Variants in SCN3A observed in about 807,000 individuals in gnomAD.
SCN3A encodes sodium voltage-gated channel alpha subunit 3, also known as sodium channel protein type 3 subunit alpha.
Under a neutral mutation model 187.6 loss-of-function variants are expected in SCN3A, and 60 were observed. The observed-to-expected ratio is 0.32, with a 90% confidence interval of 0.26 to 0.40. The LOEUF is 0.40. SCN3A is among the 10% of genes least tolerant of loss of function. SCN3A has a pLI of 1.00. For synonymous variants in SCN3A, 788 were observed against 829.2 expected, an observed-to-expected ratio of 0.95 and a Z score of 0.85; for missense variants, 1,601 against 2,428.2, an observed-to-expected ratio of 0.66 and a Z score of 7.16.
In SCN3A at chr2:165,113,884, T is replaced by A. The variant is rs1276192974; in HGVS notation, c.3601A>T (p.Ser1201Cys). The A allele has an allele frequency of 2.5e-6, 4 of 1,613,904 alleles. No homozygotes were observed. The highest frequency in any genetic ancestry group is 3.4e-6 in the Non-Finnish European group (4 of 1,179,826). ...TCAAACCAGTTGTGCTCAACAATACTGTAGCAGGTTTTTCGAAGATTCCAC... is the reference window on the plus strand; with the variant it reads ...TCAAACCAGTTGTGCTCAACAATACAGTAGCAGGTTTTTCGAAGATTCCAC... ...IWWNLRKTCY[S>C]IVEHNWFETF... is the part of the protein sequence containing the mutation. Residue 1201 changes from serine to cysteine, a missense_variant, in exon 20 of 28, where the codon AGT becomes TGT. By Grantham distance (112) the Ser-to-Cys change is moderately radical (BLOSUM62 -1). Coordinates refer to ENST00000283254, the MANE Select transcript of SCN3A (RefSeq NM_006922.4).
chr2:165,143,529 C>T lies in SCN3A; in HGVS notation c.1672-2531G>A, dbSNP rs192173190. On this transcript the variant is annotated intron_variant, in intron 12 of 27. Transcript: ENST00000283254. Reference sequence around the variant, plus strand: ...AGCGCAGCTTTCAAGGCAACAGAGACGGAAAAAGAAGATAACAGAAATAGC... The same window carrying T: ...AGCGCAGCTTTCAAGGCAACAGAGATGGAAAAAGAAGATAACAGAAATAGC... Among the ~76,000 whole-genome samples the T allele has an allele frequency of 2.2e-4, 33 of 152,070 alleles. No homozygotes were observed. The East Asian group carries it at 2.9e-3, about 13-fold the overall frequency.
intron 11 of SCN3A, 151 bp downstream of exon 11, chr2:165,154,301 A>G (rs1338924779): frequency 2.3e-6 from 2 of 869,880 alleles, no homozygotes; most frequent in African/African-American, 3.4e-5. Flanking sequence ...AACTTCAGAA[A>G]CAAGTTCATA....
chr2:165,091,893 G>T (rs916638445), intron 27 of SCN3A: 1 of 340,402 alleles, frequency 2.9e-6, no homozygotes, highest in Non-Finnish European at 5.6e-6. Context: ...AGCAGAGATG[G>T]CTACTTCCTC....
intron 18 of SCN3A, among the ~76,000 whole-genome samples, chr2:165,118,540 A>C (rs550874835): frequency 2.4e-4 from 36 of 152,164 alleles, no homozygotes; most frequent in Admixed American, 9.8e-4. Context: ...GGTTGACATA[A>C]AGTCAGTTTT....
chr2:165,163,769 G>C, intron 6 of SCN3A, 60 bp from the exon 7 acceptor site: 2 of 1,613,258 alleles, frequency 1.2e-6, no homozygotes, highest in Non-Finnish European at 1.7e-6. Flanking sequence ...GGAGATATAA[G>C]GGGCCTACTA....
chr2:165,113,238 C>T (rs1199157331), intron 20 of SCN3A, among the ~76,000 whole-genome samples, 180 bp from the exon 21 acceptor site: 1 of 151,992 alleles, frequency 6.6e-6, no homozygotes, highest in Non-Finnish European at 1.5e-5. Context: ...GGCAGGGAAA[C>T]GTCATGCCTT....
intron 3 of SCN3A, among the ~76,000 whole-genome samples, chr2:165,172,826 A>G (rs1482694874): frequency 6.6e-6 from 1 of 152,160 alleles, no homozygotes. Flanking sequence ...AGCAGGCCTT[A>G]AGACTACAAT....
At position 165,115,486 on chromosome 2, in the gene SCN3A, T is replaced by C. The variant is rs778166894; in HGVS notation, c.3483A>G (p.Glu1161=). Reference sequence around the variant, plus strand: ...TAAAACAAGCTTCCGGTTTAAGGTCTTCTTCGGGTTCAGTTTCAGCTTGTT... The same window carrying C: ...TAAAACAAGCTTCCGGTTTAAGGTCCTCTTCGGGTTCAGTTTCAGCTTGTT... ...EGEQAETEPE[E]DLKPEACFTE... is the part of the protein sequence containing the mutation. The change falls in exon 19 of 28, where the codon GAA becomes GAG. Residue 1161 remains glutamate, a synonymous_variant. Transcript: ENST00000283254. 3 of 1,614,014 alleles carry C rather than the reference T, an allele frequency of 1.9e-6. No individual in the cohort carries two copies. In the Admixed American group the frequency reaches 5.0e-5, roughly 27 times the overall value.
chr2:165,091,461 A>G (rs1685103128), intron 27 of SCN3A, 116 bp from the exon 28 acceptor site: 2 of 1,251,404 alleles, frequency 1.6e-6, no homozygotes, highest in Non-Finnish European at 1.1e-6. Flanking sequence ...GCCTTTATTA[A>G]ATATTTGGAT....
rs539692171 is a variant in SCN3A, at chr2:165,090,651, A to G, written c.5502T>C (p.Leu1834=). The G allele has an allele frequency of 3.0e-5, 48 of 1,614,060 alleles. No homozygotes were observed. In the East Asian group the frequency reaches 3.3e-4, roughly 11 times the overall value. The part of the protein sequence containing the change: ...LLIAKPNKVQ[L]IAMDLPMVSG... ...TGACCATGGGCAGATCCATGGCAAT[A>G]AGCTGGACTTTGTTGGGTTTTGCTA... is the stretch of plus-strand genomic sequence containing the variant. Residue 1834 remains leucine (L), a synonymous_variant, in exon 28 of 28, where the codon CTT becomes CTC. Transcript: ENST00000283254. The surrounding 1 kb of genome is among the most constrained non-coding windows in gnomAD (Gnocchi z 4.0).
At chr2:165,115,418 G>A (rs759378534) in intron 19 of SCN3A, 37 bp downstream of exon 19, 1 of 1,612,718 alleles carries the variant, frequency 6.2e-7, no homozygotes, top group Non-Finnish European at 8.5e-7. Flanking sequence ...TAAAGAACAA[G>A]GGGAGATTGT....
At chr2:165,104,386 A>G (rs1159682963) in intron 21 of SCN3A, among the ~76,000 whole-genome samples, 1 of 151,988 alleles carries the variant, frequency 6.6e-6, no homozygotes, top group Non-Finnish European at 1.5e-5. Context: ...GAGGAGAAAT[A>G]GAACAACTGA....
In SCN3A at chr2:165,195,376, G is replaced by A. The variant is rs191103357; in HGVS notation, c.-248+8447C>T. ...TGATAAAATTGCCAGTGCAAAATCA[G>A]ACATTGAGTTCACTCATTCTTCAAG... On this transcript the variant is annotated intron_variant, in intron 1 of 27. Transcript: ENST00000283254. 1.1e-3 allele frequency: 167 copies of A among 152,226 alleles called. 1 individual carries two copies. Among genetic ancestry groups the A allele is most frequent in the African/African-American group, 3.9e-3 (163 of 41,542 alleles). The allele number at this position is 152,226 out of a possible 1,614,324, so 9.4% of individuals were successfully genotyped here.
At chr2:165,132,028 T>C (rs1438682454) in intron 15 of SCN3A, among the ~76,000 whole-genome samples, 5 of 151,906 alleles carry the variant, frequency 3.3e-5, no homozygotes, top group Non-Finnish European at 7.4e-5. Flanking sequence ...TGGTTCCAAG[T>C]AATTGCTTCA....
chr2:165,163,475 C>G (rs1258669984), intron 7 of SCN3A, 143 bp downstream of exon 7: 7 of 1,039,674 alleles, frequency 6.7e-6, no homozygotes, highest in East Asian at 2.6e-5. Flanking sequence ...ATTTTAGGAG[C>G]TAAACTGACA....
In SCN3A at chr2:165,176,418, A is replaced by G. The variant is rs1225957074; in HGVS notation, c.-24T>C. On this transcript the variant is annotated 5_prime_UTR_variant, in exon 3 of 28. Transcript: ENST00000283254. ...ATCTTTTCATCCTGCACATTTAATT[A>G]CGTGTAGCTTCTTGCATACGAATTA... 1.9e-6 allele frequency: 3 copies of G among 1,613,824 alleles called. No individual in the cohort carries two copies. The highest frequency in any genetic ancestry group is 2.5e-6 in the Non-Finnish European group (3 of 1,179,922).
chr2:165,166,637 G>T (rs1689777677), intron 5 of SCN3A, among the ~76,000 whole-genome samples: 1 of 152,132 alleles, frequency 6.6e-6, no homozygotes, highest in South Asian at 2.1e-4. Context: ...AAATATCGGT[G>T]ACTTCAGTTT....
intron 1 of SCN3A, among the ~76,000 whole-genome samples, chr2:165,194,016 C>T (rs1691777085): frequency 6.6e-6 from 1 of 152,084 alleles, no homozygotes; most frequent in South Asian, 2.1e-4. Context: ...TAATGTTACA[C>T]AGTGGATCAC....
At chr2:165,187,120 C>T (rs1691292952) in intron 1 of SCN3A, among the ~76,000 whole-genome samples, 1 of 152,170 alleles carries the variant, frequency 6.6e-6, no homozygotes, top group African/African-American at 2.4e-5. Context: ...TTTCCTCAAA[C>T]ATCTCAAAGA....
Sources: allele counts gnomAD v4.1 joint callset (sites outside exome capture counted in the v4.1 genomes callset), GRCh38; gene constraint gnomAD v4.1.1; non-coding constraint Gnocchi (gnomAD v3.1); transcripts MANE v1.5; gene names NCBI Gene and HGNC (gene_info 2026-07-23, HGNC 2026-07-21).